CBR4: variants seen among roughly 807,000 people sequenced by gnomAD.
CBR4 encodes the protein carbonyl reductase 4.
CBR4 carries 22 observed loss-of-function variants against 21.0 expected under a neutral mutation model. The ratio of observed to expected loss-of-function variants is 1.05; its 90% confidence interval spans 0.75 to 1.50. The LOEUF (loss-of-function observed/expected upper bound fraction) is 1.50, where lower values mean the gene tolerates loss of function less well. Ranked by LOEUF, CBR4 falls within the 40% of genes most tolerant of loss-of-function variation. CBR4 has a pLI of 0.00. For missense variants in CBR4, 302 were observed against 286.3 expected, an observed-to-expected ratio of 1.05 and a Z score of -0.40; for synonymous variants, 100 against 104.4, an observed-to-expected ratio of 0.96 and a Z score of 0.26.
At chr4:168,990,458 A>T in intron 4 of CBR4, 130 bp from the exon 5 acceptor site, 2 of 763,358 alleles carry the variant, frequency 2.6e-6, no homozygotes, top group Non-Finnish European at 3.8e-6. Context: ...TTTTTTTGAG[A>T]CAGGGTCTCA....
chr4:169,005,992 T>G, intron 3 of CBR4: 1 of 1,011,442 alleles, frequency 9.9e-7, no homozygotes, highest in South Asian at 1.3e-5. Flanking sequence ...GAAATAAAAT[T>G]TCAAGTCATT....
intron 2 of CBR4, among the ~76,000 whole-genome samples, chr4:168,896,925 G>A (rs148113470): frequency 0.022 from 3,420 of 152,144 alleles, 129 homozygotes; most frequent in African/African-American, 0.076. Context: ...TCTGTCTCCT[G>A]GGTTCAAGCG....
chr4:168,944,127 A>G (rs549816327), intron 2 of CBR4, among the ~76,000 whole-genome samples: 2 of 152,088 alleles, frequency 1.3e-5, no homozygotes, highest in South Asian at 4.1e-4. Context: ...AAATACTTCT[A>G]TTTTTATGAG....
intron 2 of CBR4, among the ~76,000 whole-genome samples, chr4:168,981,217 T>C (rs1431691374): frequency 6.6e-6 from 1 of 152,034 alleles, no homozygotes; most frequent in Non-Finnish European, 1.5e-5. Flanking sequence ...CTGGCCAACA[T>C]GGTGAAACCC....
intron 2 of CBR4, among the ~76,000 whole-genome samples, chr4:168,928,609 G>A (rs1025555000): frequency 1.2e-4 from 19 of 152,284 alleles, no homozygotes; most frequent in African/African-American, 4.6e-4. Context: ...TAAAATCATT[G>A]TATCAGCTGG....
rs146391285 is a variant in CBR4 at position 168,990,991 on chromosome 4, T to C, written c.536-663A>G. Among the ~76,000 whole-genome samples, 671 of 151,982 alleles carry C rather than the reference T, an allele frequency of 4.4e-3. 7 individuals are homozygous for C. The highest frequency in any genetic ancestry group is 0.015 in the African/African-American group (639 of 41,450). Reference sequence around the variant, plus strand: ...ATCGCTTGAACCTGGGAGGTGGAGGTTGGAGTGAGCCGAGATTGTGTCACT... The same window carrying C: ...ATCGCTTGAACCTGGGAGGTGGAGGCTGGAGTGAGCCGAGATTGTGTCACT... On this transcript the variant is annotated intron_variant, in intron 4 of 4. Transcript: ENST00000306193.
chr4:168,953,712 C>G (rs552036383), intron 2 of CBR4, among the ~76,000 whole-genome samples: 60 of 152,104 alleles, frequency 3.9e-4, no homozygotes, highest in Non-Finnish European at 8.4e-4. Flanking sequence ...GAGTGAGCCA[C>G]AATGTCCAGC....
intron 3 of CBR4, 109 bp downstream of exon 3, chr4:169,006,643 AGAT>A: frequency 1.0e-6 from 1 of 1,000,500 alleles, no homozygotes; most frequent in Non-Finnish European, 1.5e-6. Flanking sequence ...TTTTTTCCAC[AGAT>A]AATATAAATT....
chr4:168,911,563 G>A (rs956128735), intron 2 of CBR4, among the ~76,000 whole-genome samples: 10 of 152,160 alleles, frequency 6.6e-5, no homozygotes, highest in African/African-American at 2.2e-4. Flanking sequence ...GTGTTATCTT[G>A]TATGATGCAT....
At chr4:168,973,508 C>T (rs1420092940) in intron 2 of CBR4, among the ~76,000 whole-genome samples, 7 of 152,030 alleles carry the variant, frequency 4.6e-5, no homozygotes, top group East Asian at 3.9e-4. Context: ...TTGTATGTTT[C>T]GTAGAGATGG....
intron 2 of CBR4, among the ~76,000 whole-genome samples, chr4:168,922,362 GAACAT>G (rs1761755047): frequency 6.6e-6 from 1 of 152,136 alleles, no homozygotes; most frequent in Admixed American, 6.5e-5. Flanking sequence ...TTTTAAGAAA[GAACAT>G]AACAAAACAT....
intron 2 of CBR4, among the ~76,000 whole-genome samples, chr4:168,946,424 GC>G (rs1182103745): frequency 6.6e-6 from 1 of 152,166 alleles, no homozygotes; most frequent in Non-Finnish European, 1.5e-5. Context: ...AATGTCATTT[GC>G]CTGTTTTACT....
At chr4:168,922,950 T>C (rs1761875364) in intron 2 of CBR4, among the ~76,000 whole-genome samples, 1 of 152,180 alleles carries the variant, frequency 6.6e-6, no homozygotes, top group African/African-American at 2.4e-5. Context: ...AGTGTGACAT[T>C]TGGCAAATAG....
chr4:168,981,175 G>A (rs921566110), intron 2 of CBR4, among the ~76,000 whole-genome samples: 10 of 152,124 alleles, frequency 6.6e-5, no homozygotes, highest in African/African-American at 2.4e-4. Context: ...CGAGGTGGAT[G>A]GATTGCTTGA....
At chr4:168,953,271 C>G (rs554166551) in intron 2 of CBR4, among the ~76,000 whole-genome samples, 5 of 152,182 alleles carry the variant, frequency 3.3e-5, no homozygotes, top group South Asian at 2.1e-4. Flanking sequence ...ACCGTGCCCC[C>G]CCGCAAAAGC....
intron 2 of CBR4, chr4:168,925,182 T>A: frequency 6.3e-7 from 1 of 1,584,062 alleles, no homozygotes; most frequent in African/African-American, 1.4e-5. Context: ...AACTATTGTG[T>A]TTTATTTGTC....
intron 4 of CBR4, among the ~76,000 whole-genome samples, chr4:168,992,688 GATTATC>G (rs1288920560): frequency 1.3e-5 from 2 of 151,988 alleles, no homozygotes; most frequent in African/African-American, 4.8e-5. Context: ...TATTAACAGT[GATTATC>G]ATTAGATACT....
At chr4:168,972,779 T>C (rs972866699) in intron 2 of CBR4, among the ~76,000 whole-genome samples, 7 of 152,172 alleles carry the variant, frequency 4.6e-5, no homozygotes, top group African/African-American at 1.7e-4. Flanking sequence ...CTTTCTCTTG[T>C]CTGATTGCTC....
At chr4:169,004,298 C>T (rs1730713697) in intron 3 of CBR4, among the ~76,000 whole-genome samples, 1 of 152,078 alleles carries the variant, frequency 6.6e-6, no homozygotes. Flanking sequence ...AATGCTACTG[C>T]ATACTTAATA....
Sources: allele counts gnomAD v4.1 joint callset (sites outside exome capture counted in the v4.1 genomes callset), GRCh38; gene constraint gnomAD v4.1.1; transcripts MANE v1.5; gene names NCBI Gene and HGNC (gene_info 2026-07-23, HGNC 2026-07-21).